Variants in CARF observed in about 807,000 individuals in gnomAD.
The protein encoded by CARF is calcium responsive transcription factor, also known as calcium-responsive transcription factor.
In CARF, 57 loss-of-function variants were observed where a neutral mutation model predicts 82.0. The observed-to-expected ratio is 0.70, with a 90% CI of 0.56 to 0.87. The LOEUF (loss-of-function observed/expected upper bound fraction) is 0.87, where lower values mean the gene tolerates loss of function less well. CARF is among the 40% of genes least tolerant of loss of function. The probability of loss-of-function intolerance (pLI) is 0.00; values close to 1 mark genes in which losing one functional copy is unlikely to be tolerated. For synonymous variants in CARF, 268 were observed against 290.1 expected (o/e 0.92, Z 0.77); for missense variants, 771 against 855.8 (o/e 0.90, Z 1.24).
At chr2:202,915,110 A>G (rs1166710860) in intron 1 of CARF, among the ~76,000 whole-genome samples, 4 of 150,332 alleles carry the variant, frequency 2.7e-5, no homozygotes, top group African/African-American at 7.3e-5. Context: ...TCCGCCTTCC[A>G]GGTTGAAGCG....
chr2:202,975,195 C>T (rs962631455), intron 13 of CARF, among the ~76,000 whole-genome samples: 2 of 152,210 alleles, frequency 1.3e-5, no homozygotes, highest in Non-Finnish European at 2.9e-5. Context: ...GTGGCTCACG[C>T]CTGTAATCCC....
intron 3 of CARF, among the ~76,000 whole-genome samples, chr2:202,933,320 GC>G (rs1176406048): frequency 2.6e-5 from 4 of 152,168 alleles, no homozygotes; most frequent in African/African-American, 7.2e-5. Flanking sequence ...ACACACTCCA[GC>G]CGTAGTTCGG....
At chr2:202,953,395 C>T (rs1156876947) in intron 6 of CARF, among the ~76,000 whole-genome samples, 2 of 151,532 alleles carry the variant, frequency 1.3e-5, no homozygotes, top group Non-Finnish European at 2.9e-5. Context: ...TTTCCTCTTT[C>T]CTTGGCTCCT....
intron 3 of CARF, among the ~76,000 whole-genome samples, chr2:202,934,078 A>G (rs1185198077): frequency 2.0e-5 from 3 of 152,122 alleles, no homozygotes; most frequent in Non-Finnish European, 4.4e-5. Context: ...AAATCTCATA[A>G]TGTTTTAAGA....
At chr2:202,974,259 A>C in intron 12 of CARF, 75 bp from the exon 13 acceptor site, 2 of 1,054,628 alleles carry the variant, frequency 1.9e-6, no homozygotes, top group Non-Finnish European at 2.7e-6. Flanking sequence ...ACTGAAAGAG[A>C]ACCTTTCTGT....
intron 1 of CARF, among the ~76,000 whole-genome samples, chr2:202,914,196 A>G (rs1210119428): frequency 1.3e-5 from 2 of 152,148 alleles, no homozygotes; most frequent in African/African-American, 2.4e-5. Context: ...TATTTACTAT[A>G]TGGTCCTCAT....
chr2:202,926,899 T>C (rs1691933458), intron 3 of CARF, among the ~76,000 whole-genome samples: 1 of 152,180 alleles, frequency 6.6e-6, no homozygotes, highest in South Asian at 2.1e-4. Flanking sequence ...CATAGCTCAC[T>C]GCAGCTCAGG....
At chr2:202,976,331 T>C (rs1448359847) in intron 13 of CARF, among the ~76,000 whole-genome samples, 1 of 151,992 alleles carries the variant, frequency 6.6e-6, no homozygotes, top group Non-Finnish European at 1.5e-5. Context: ...TCAGCCACCA[T>C]GCCCGGCTAA....
intron 5 of CARF, among the ~76,000 whole-genome samples, chr2:202,950,418 TAA>T (rs2058702274): frequency 6.6e-6 from 1 of 152,188 alleles, no homozygotes; most frequent in Non-Finnish European, 1.5e-5. Context: ...CCCCCATTCC[TAA>T]AAGTTAGAAA....
chr2:202,954,038 T>TA lies in CARF; in HGVS notation c.462dup (p.Pro155ThrfsTer48), dbSNP rs1410672952. The TA allele has an allele frequency of 1.9e-6, 3 of 1,610,424 alleles. No individual in the cohort carries two copies. In the East Asian group the frequency reaches 6.7e-5, roughly 36 times the overall value. On this transcript the variant is annotated frameshift_variant, in exon 7 of 17. Coordinates refer to ENST00000438828, the MANE Select transcript of CARF (RefSeq NM_024744.17). LOFTEE classifies it high-confidence loss of function. The stretch of plus-strand genomic sequence containing the variant: ...GAAGAGAAACCCAGTAACAGAAACT[T>TA]ACCAACTGTAAGAGTGGATACTCTA...
chr2:202,978,175 G>T (rs576259626), intron 14 of CARF, among the ~76,000 whole-genome samples: 1 of 152,236 alleles, frequency 6.6e-6, no homozygotes, highest in East Asian at 1.9e-4. Context: ...ATGAGCATCT[G>T]ACTGATAGCA....
chr2:202,983,473 T>G, intron 16 of CARF, 33 bp from the exon 17 acceptor site: 1 of 1,335,934 alleles, frequency 7.5e-7, no homozygotes, highest in Non-Finnish European at 1.1e-6. Context: ...TGAAATAGAT[T>G]AACTTTTAGG....
At chr2:202,917,310 G>A (rs767842412) in intron 1 of CARF, among the ~76,000 whole-genome samples, 13 of 146,628 alleles carry the variant, frequency 8.9e-5, no homozygotes, top group Admixed American at 6.8e-4. Flanking sequence ...CTTTTTAAAT[G>A]TGATAACAAA....
At chr2:202,927,536 CT>C (rs1253442528) in intron 3 of CARF, among the ~76,000 whole-genome samples, 1 of 151,678 alleles carries the variant, frequency 6.6e-6, no homozygotes. Flanking sequence ...GGGTTTTTGG[CT>C]TTTTTTCTTT....
At chr2:202,980,662 A>ATATATATATATATTT (rs2060223733) in intron 14 of CARF, among the ~76,000 whole-genome samples, 1 of 115,066 alleles carries the variant, frequency 8.7e-6, no homozygotes, top group Non-Finnish European at 1.8e-5. Flanking sequence ...ATATATATAT[A>ATATATATATATATTT]GTTGTGCCTC....
At chr2:202,960,286 G>A (rs550060370) in intron 8 of CARF, among the ~76,000 whole-genome samples, 168 of 151,108 alleles carry the variant, frequency 1.1e-3, no homozygotes, top group African/African-American at 3.9e-3. Flanking sequence ...GTCTTGCTCT[G>A]TTGCCCAGGC....
intron 6 of CARF, 49 bp from the exon 7 acceptor site, chr2:202,953,956 G>A (rs374852058): frequency 6.5e-7 from 1 of 1,530,420 alleles, no homozygotes; most frequent in South Asian, 1.3e-5. Context: ...TATTCTTATG[G>A]TCTTATTCAA....
chr2:202,972,406 C>T (rs893700194), intron 12 of CARF, among the ~76,000 whole-genome samples: 1 of 151,716 alleles, frequency 6.6e-6, no homozygotes, highest in Non-Finnish European at 1.5e-5. Context: ...GAGTCAGGCG[C>T]AGTGGCTCAC....
At chr2:202,966,113 G>C (rs2059538702) in intron 9 of CARF, among the ~76,000 whole-genome samples, 1 of 152,192 alleles carries the variant, frequency 6.6e-6, no homozygotes, top group Admixed American at 6.5e-5. Context: ...AAGAGTAAGA[G>C]AGAGTACCCA....
Sources: allele counts gnomAD v4.1 joint callset (sites outside exome capture counted in the v4.1 genomes callset), GRCh38; gene constraint gnomAD v4.1.1; transcripts MANE v1.5; gene names NCBI Gene and HGNC (gene_info 2026-07-23, HGNC 2026-07-21).